MCCC2: variants seen among roughly 807,000 people sequenced by gnomAD.
The protein encoded by MCCC2 is methylcrotonoyl-CoA carboxylase beta chain, mitochondrial.
MCCC2 carries 52 observed loss-of-function variants against 77.2 expected under a neutral mutation model. The observed-to-expected ratio is 0.67, with a 90% CI of 0.54 to 0.85. The LOEUF (loss-of-function observed/expected upper bound fraction) is 0.85, where lower values mean the gene tolerates loss of function less well. MCCC2 is among the 40% of genes least tolerant of loss of function. The probability of loss-of-function intolerance (pLI) is 0.00; values close to 1 mark genes in which losing one functional copy is unlikely to be tolerated. For missense variants in MCCC2, 682 were observed against 703.2 expected, an observed-to-expected ratio of 0.97 and a Z score of 0.34; for synonymous variants, 253 against 248.4, an observed-to-expected ratio of 1.02 and a Z score of -0.18.
intron 8 of MCCC2, among the ~76,000 whole-genome samples, chr5:71,632,571 C>G (rs1159701599): frequency 6.6e-6 from 1 of 152,040 alleles, no homozygotes; most frequent in Non-Finnish European, 1.5e-5. Flanking sequence ...GGCTGATACG[C>G]GATAAGGCTT....
At chr5:71,629,918 C>T (rs1746653508) in intron 7 of MCCC2, among the ~76,000 whole-genome samples, 1 of 151,956 alleles carries the variant, frequency 6.6e-6, no homozygotes. Flanking sequence ...AAAGATATGA[C>T]TACAATTTGA....
chr5:71,641,069 G>A lies in MCCC2; in HGVS notation c.1066G>A (p.Val356Ile), dbSNP rs377410055. Reference protein sequence around the residue: ...EFKAFYGDTLVTGFARIFGYP... With the variant: ...EFKAFYGDTLITGFARIFGYP... ...CAAAGCCTTTTATGGAGACACATTA[G>A]TTACAGGTATAAAGGTGAAGAATTG... The change falls in exon 11 of 17, where the codon GTT becomes ATT. Residue 356 changes from valine to isoleucine, a missense_variant. Val to Ile is a conservative substitution (Grantham distance 29, BLOSUM62 3). Transcript: ENST00000340941. The A allele has an allele frequency of 6.2e-7, 1 of 1,613,166 alleles. No individual in the cohort carries two copies. The highest frequency in any genetic ancestry group is 1.3e-5 in the African/African-American group (1 of 74,922).
At chr5:71,650,678 T>G (rs776410611) in intron 15 of MCCC2, among the ~76,000 whole-genome samples, 7 of 152,082 alleles carry the variant, frequency 4.6e-5, no homozygotes, top group Non-Finnish European at 1.0e-4. Flanking sequence ...AGACAGAGTC[T>G]CGCTTTGTCG....
intron 13 of MCCC2, among the ~76,000 whole-genome samples, chr5:71,648,617 C>T (rs1008956124): frequency 6.6e-6 from 1 of 152,186 alleles, no homozygotes; most frequent in Non-Finnish European, 1.5e-5. Context: ...CCTTAACTAG[C>T]CATGTCACAT....
At chr5:71,620,056 T>C (rs1157790412) in intron 6 of MCCC2, among the ~76,000 whole-genome samples, 1 of 152,090 alleles carries the variant, frequency 6.6e-6, no homozygotes, top group African/African-American at 2.4e-5. Context: ...ACAAAATCAC[T>C]GTTTGATTTC....
intron 7 of MCCC2, among the ~76,000 whole-genome samples, chr5:71,629,902 A>G (rs1283914966): frequency 1.3e-5 from 2 of 152,208 alleles, no homozygotes; most frequent in Non-Finnish European, 2.9e-5. Flanking sequence ...TGACTAGAAA[A>G]TGAGTAAAGA....
intron 10 of MCCC2, among the ~76,000 whole-genome samples, chr5:71,637,060 TA>T (rs1169592831): frequency 1.3e-5 from 2 of 151,940 alleles, no homozygotes; most frequent in African/African-American, 2.4e-5. Flanking sequence ...TACATTCTTT[TA>T]AAAAAAATGT....
At position 71,643,886 on chromosome 5, in the gene MCCC2, T is replaced by C; in HGVS notation, c.1140T>C (p.Ser380=). Residue 380 remains serine, a synonymous_variant, in exon 12 of 17, where the codon TCT becomes TCC. Transcript: ENST00000340941. ...VGNNGVLFSE[S]AKKGTHFVQL... Reference sequence around the variant, plus strand: ...ACAACGGAGTTCTCTTTTCTGAATCTGCAAAAAAGGCAAGTACTGTTAAAA... The same window carrying C: ...ACAACGGAGTTCTCTTTTCTGAATCCGCAAAAAAGGCAAGTACTGTTAAAA... 1.2e-6 allele frequency: 2 copies of C among 1,614,004 alleles called. No individual in the cohort carries two copies. Among genetic ancestry groups the C allele is most frequent in the East Asian group, 2.2e-5 (1 of 44,862 alleles).
chr5:71,602,321 T>G (rs1267770464), intron 4 of MCCC2, among the ~76,000 whole-genome samples, 185 bp from the exon 5 acceptor site: 1 of 152,240 alleles, frequency 6.6e-6, no homozygotes, highest in Non-Finnish European at 1.5e-5. Flanking sequence ...TTTTGTATTA[T>G]ATAAATTAAT....
intron 6 of MCCC2, among the ~76,000 whole-genome samples, chr5:71,617,816 G>C (rs1746216622): frequency 6.6e-6 from 1 of 152,108 alleles, no homozygotes; most frequent in African/African-American, 2.4e-5. Flanking sequence ...ATTTCAAAGA[G>C]TATGTCTATT....
At chr5:71,606,249 C>A (rs1049134267) in intron 6 of MCCC2, among the ~76,000 whole-genome samples, 7 of 147,962 alleles carry the variant, frequency 4.7e-5, no homozygotes, top group South Asian at 4.3e-4. Context: ...CTTTTATTTC[C>A]TTGAGCAGTG....
At chr5:71,598,291 A>G (rs1745272565) in intron 3 of MCCC2, among the ~76,000 whole-genome samples, 1 of 151,728 alleles carries the variant, frequency 6.6e-6, no homozygotes, top group Non-Finnish European at 1.5e-5. Flanking sequence ...GGATGGTCTC[A>G]ATCTCTTGAC....
intron 3 of MCCC2, among the ~76,000 whole-genome samples, chr5:71,597,753 C>CAT (rs1337463091): frequency 4.6e-5 from 7 of 152,108 alleles, no homozygotes; most frequent in Non-Finnish European, 7.4e-5. Context: ...CATTTGTATG[C>CAT]ATATATATAT....
intron 6 of MCCC2, among the ~76,000 whole-genome samples, chr5:71,608,685 A>G (rs1022612372): frequency 6.6e-6 from 1 of 152,010 alleles, no homozygotes. Context: ...AGGTCTTTAC[A>G]TTTTGGCTTG....
chr5:71,646,763 C>T (rs1331370296), intron 13 of MCCC2, among the ~76,000 whole-genome samples: 1 of 152,208 alleles, frequency 6.6e-6, no homozygotes, highest in Non-Finnish European at 1.5e-5. Context: ...GTGTGCACAG[C>T]CACACACCCA....
chr5:71,627,544 T>C (rs935626895), intron 7 of MCCC2, among the ~76,000 whole-genome samples: 1 of 152,252 alleles, frequency 6.6e-6, no homozygotes, highest in Non-Finnish European at 1.5e-5. Context: ...TTTGAATGTA[T>C]AGGTTTTTGC....
At chr5:71,626,608 T>G in intron 6 of MCCC2, 32 bp from the exon 7 acceptor site, 1 of 1,497,124 alleles carries the variant, frequency 6.7e-7, no homozygotes, top group Non-Finnish European at 9.3e-7. Context: ...ATGAGCTGCA[T>G]CTCATGTGTT....
chr5:71,649,835 CT>C (rs1473228032), intron 14 of MCCC2, among the ~76,000 whole-genome samples: 1 of 152,140 alleles, frequency 6.6e-6, no homozygotes, highest in African/African-American at 2.4e-5. Flanking sequence ...ATTATGAACG[CT>C]TTTATACCCA....
At chr5:71,607,124 C>T (rs1395478653) in intron 6 of MCCC2, among the ~76,000 whole-genome samples, 4 of 152,060 alleles carry the variant, frequency 2.6e-5, no homozygotes, top group East Asian at 3.9e-4. Context: ...TCTTTTTCTA[C>T]TGATTGGAAT....
Sources: gnomAD v4.1 joint callset for allele counts (sites outside exome capture counted in the v4.1 genomes callset) on GRCh38, gnomAD v4.1.1 for gene constraint, MANE v1.5 for transcripts, NCBI Gene and HGNC (gene_info 2026-07-23, HGNC 2026-07-21) for gene names.